HDAC9: variants seen among roughly 807,000 people sequenced by gnomAD.
HDAC9 encodes the protein histone deacetylase 9.
A neutral mutation model predicts 139.4 loss-of-function variants in HDAC9; 41 were observed. The observed-to-expected ratio is 0.29, with a 90% CI of 0.23 to 0.38. The LOEUF (loss-of-function observed/expected upper bound fraction) is 0.38. Ranked by LOEUF, HDAC9 falls within the 10% of genes least tolerant of loss-of-function variation. The pLI is 1.00. For missense variants in HDAC9, 1,147 were observed against 1,297.0 expected, an observed-to-expected ratio of 0.88 and a Z score of 1.78; for synonymous variants, 517 against 476.2, an observed-to-expected ratio of 1.09 and a Z score of -1.12.
At chr7:18,656,865 G>A (rs890057519) in intron 11 of HDAC9, among the ~76,000 whole-genome samples, 1 of 152,118 alleles carries the variant, frequency 6.6e-6, no homozygotes, top group African/African-American at 2.4e-5. Flanking sequence ...CCTCCAGACT[G>A]TTCTCCATAG....
At chr7:18,840,124 G>T (rs1014488408) in intron 21 of HDAC9, among the ~76,000 whole-genome samples, 1 of 151,974 alleles carries the variant, frequency 6.6e-6, no homozygotes, top group Non-Finnish European at 1.5e-5. Flanking sequence ...TTCAAGAAAA[G>T]AAATATAAGC....
intron 2 of HDAC9, among the ~76,000 whole-genome samples, chr7:18,203,957 A>T (rs1791313122): frequency 6.6e-6 from 1 of 152,136 alleles, no homozygotes; most frequent in Non-Finnish European, 1.5e-5. Flanking sequence ...GCTATGTATG[A>T]GCTTTCAATG....
chr7:18,138,339 C>G (rs921942041), intron 1 of HDAC9, among the ~76,000 whole-genome samples: 3 of 152,036 alleles, frequency 2.0e-5, no homozygotes, highest in African/African-American at 7.2e-5. Context: ...CTCTCCCTCT[C>G]TCCTTGCAAG....
chr7:18,571,073 G>GC (rs1167169251), intron 2 of HDAC9, among the ~76,000 whole-genome samples: 23 of 152,244 alleles, frequency 1.5e-4, no homozygotes, highest in Non-Finnish European at 4.4e-5. Flanking sequence ...CAAAAGTGGT[G>GC]CCACCATGTG....
chr7:18,169,160 C>T (rs1562701083), intron 2 of HDAC9, among the ~76,000 whole-genome samples: 1 of 152,092 alleles, frequency 6.6e-6, no homozygotes, highest in African/African-American at 2.4e-5. Context: ...TGGTTTTGAA[C>T]TCCTGACCTC....
chr7:18,524,802 T>C (rs1394202464), intron 2 of HDAC9, among the ~76,000 whole-genome samples: 1 of 150,096 alleles, frequency 6.7e-6, no homozygotes, highest in Non-Finnish European at 1.5e-5. Context: ...AGTTGAAGAG[T>C]AGATGGAGAG....
intron 8 of HDAC9, among the ~76,000 whole-genome samples, chr7:18,638,765 G>A (rs1784669876): frequency 6.6e-6 from 1 of 152,040 alleles, no homozygotes; most frequent in African/African-American, 2.4e-5. Context: ...GACCACTTCT[G>A]TTCCATTTCT....
intron 1 of HDAC9, among the ~76,000 whole-genome samples, chr7:18,135,177 A>G (rs944927074): frequency 1.3e-5 from 2 of 152,034 alleles, no homozygotes; most frequent in East Asian, 1.9e-4. Flanking sequence ...GTAATGAAGT[A>G]GGAAATGTCT....
At chr7:18,423,322 T>C (rs1189989020) in intron 1 of HDAC9, among the ~76,000 whole-genome samples, 4 of 152,202 alleles carry the variant, frequency 2.6e-5, no homozygotes, top group Non-Finnish European at 5.9e-5. Context: ...GCTATGTATA[T>C]AGTTTAAGAC....
At chr7:18,664,825 T>G (rs1215673166) in intron 11 of HDAC9, among the ~76,000 whole-genome samples, 1 of 152,158 alleles carries the variant, frequency 6.6e-6, no homozygotes, top group Non-Finnish European at 1.5e-5. Flanking sequence ...AAAATAGGAA[T>G]AAGTATTTGA....
intron 1 of HDAC9, among the ~76,000 whole-genome samples, chr7:18,432,960 AAAAAAG>A (rs1327572307): frequency 6.6e-6 from 1 of 151,862 alleles, no homozygotes; most frequent in African/African-American, 2.4e-5. Flanking sequence ...TAAAAAAAAA[AAAAAAG>A]AAAAGAAATA....
At chr7:18,255,862 C>T (rs975685912) in intron 2 of HDAC9, among the ~76,000 whole-genome samples, 5 of 151,914 alleles carry the variant, frequency 3.3e-5, no homozygotes, top group Admixed American at 6.6e-5. Flanking sequence ...CTCTTGACGT[C>T]GTGATCTGCC....
chr7:18,860,751 G>A (rs1370094756), intron 21 of HDAC9, among the ~76,000 whole-genome samples: 1 of 152,158 alleles, frequency 6.6e-6, no homozygotes, highest in African/African-American at 2.4e-5. Flanking sequence ...ACTAAAAGTT[G>A]CTATGGAGCT....
intron 23 of HDAC9, among the ~76,000 whole-genome samples, chr7:18,952,181 A>T (rs1782846488): frequency 6.6e-6 from 1 of 151,980 alleles, no homozygotes; most frequent in Non-Finnish European, 1.5e-5. Context: ...AATTCTCTGA[A>T]TTGCTTTTTA....
intron 2 of HDAC9, among the ~76,000 whole-genome samples, chr7:18,537,695 T>C (rs1811347856): frequency 1.3e-5 from 2 of 152,142 alleles, no homozygotes; most frequent in Non-Finnish European, 2.9e-5. Context: ...GAGAAAGCCA[T>C]TGGATTTTTG....
intron 12 of HDAC9, among the ~76,000 whole-genome samples, chr7:18,721,258 C>G (rs1197993288): frequency 2.0e-5 from 3 of 152,008 alleles, no homozygotes; most frequent in African/African-American, 4.8e-5. Flanking sequence ...TCCTATGTAT[C>G]TCTCTCCTAT....
intron 2 of HDAC9, among the ~76,000 whole-genome samples, chr7:18,504,412 G>C (rs901285292): frequency 6.6e-6 from 1 of 152,002 alleles, no homozygotes; most frequent in Non-Finnish European, 1.5e-5. Flanking sequence ...TCAAGTGATT[G>C]TCCTGCCTCA....
chr7:18,678,355 T>C (rs1781664073), intron 12 of HDAC9, among the ~76,000 whole-genome samples: 1 of 151,908 alleles, frequency 6.6e-6, no homozygotes, highest in Admixed American at 6.6e-5. Context: ...CTTATATCTG[T>C]GGGTTTGCAC....
In HDAC9 at chr7:18,619,409, C is replaced by G. The variant is rs201729130; in HGVS notation, c.665-9941C>G. On this transcript the variant is annotated intron_variant, in intron 6 of 25. Coordinates refer to ENST00000686413, the MANE Select transcript of HDAC9 (RefSeq NM_178425.4). Reference sequence around the variant, plus strand: ...AACTGTTTATGGAGACCCATCGAGCCTATGTTCTTGCTAAGTACTGGAAAT... The same window carrying G: ...AACTGTTTATGGAGACCCATCGAGCGTATGTTCTTGCTAAGTACTGGAAAT... Among the ~76,000 whole-genome samples, 4 of 152,106 alleles carry G rather than the reference C, an allele frequency of 2.6e-5. No homozygotes were observed. In the East Asian group the frequency reaches 5.8e-4, roughly 22 times the overall value.
Sources: allele counts gnomAD v4.1 joint callset (sites outside exome capture counted in the v4.1 genomes callset), GRCh38; gene constraint gnomAD v4.1.1; transcripts MANE v1.5; gene names NCBI Gene and HGNC (gene_info 2026-07-23, HGNC 2026-07-21).